Variants in PHF21A observed in about 807,000 individuals in gnomAD.
PHF21A encodes BHC80a.
Under a neutral mutation model 82.5 loss-of-function variants are expected in PHF21A, and 11 were observed. The ratio of observed to expected loss-of-function variants is 0.13; its 90% CI spans 0.08 to 0.22. PHF21A has a LOEUF of 0.22. Among genes scored for constraint, PHF21A ranks in the 10% least tolerant of loss-of-function variants. The probability of loss-of-function intolerance (pLI) is 1.00; values close to 1 mark genes in which losing one functional copy is unlikely to be tolerated. For synonymous variants in PHF21A, 297 were observed against 302.8 expected (o/e 0.98, Z 0.20); for missense variants, 579 against 837.8 (o/e 0.69, Z 3.81).
intron 6 of PHF21A, among the ~76,000 whole-genome samples, chr11:46,008,172 T>C (rs1321621697): frequency 2.0e-5 from 3 of 152,256 alleles, no homozygotes; most frequent in Non-Finnish European, 2.9e-5. Context: ...TGTATTTGTT[T>C]ACTCACATAC....
At chr11:45,997,696 A>ATCTACCTGTTCAGGATCTGT (rs1243286769) in intron 6 of PHF21A, among the ~76,000 whole-genome samples, 6 of 152,192 alleles carry the variant, frequency 3.9e-5, no homozygotes, top group Admixed American at 2.0e-4. Flanking sequence ...ACAAAAGCCA[A>ATCTACCTGTTCAGGATCTGT]TCTACCTGTT....
intron 1 of PHF21A, among the ~76,000 whole-genome samples, chr11:46,119,492 T>C (rs1414426008): frequency 1.3e-5 from 2 of 152,180 alleles, no homozygotes; most frequent in Admixed American, 6.5e-5. Context: ...CGGAATATGA[T>C]GACACCAGAT....
intron 6 of PHF21A, among the ~76,000 whole-genome samples, chr11:46,016,373 A>T (rs1404944303): frequency 6.6e-6 from 1 of 152,146 alleles, no homozygotes; most frequent in Admixed American, 6.6e-5. Context: ...TTCGCCTCCC[A>T]TTATATCCAT....
intron 16 of PHF21A, 27 bp downstream of exon 16, chr11:45,938,130 C>T: frequency 6.5e-7 from 1 of 1,536,536 alleles, no homozygotes; most frequent in South Asian, 1.3e-5. Context: ...TCCTCGGCCC[C>T]TCCCCTGTTG....
At chr11:46,070,316 T>C (rs2096641359) in intron 6 of PHF21A, among the ~76,000 whole-genome samples, 3 of 152,144 alleles carry the variant, frequency 2.0e-5, no homozygotes, top group Non-Finnish European at 4.4e-5. Context: ...TGAAAAGATC[T>C]GTAAGAAATG....
intron 1 of PHF21A, among the ~76,000 whole-genome samples, chr11:46,102,942 T>C (rs946987219): frequency 5.3e-5 from 8 of 151,886 alleles, no homozygotes; most frequent in South Asian, 2.1e-4. Context: ...AAGGGAAGGA[T>C]GAATAACAGG....
At chr11:46,070,479 C>T (rs1592785004) in intron 6 of PHF21A, among the ~76,000 whole-genome samples, 1 of 151,924 alleles carries the variant, frequency 6.6e-6, no homozygotes, top group African/African-American at 2.4e-5. Flanking sequence ...TACAGGTGCC[C>T]GCCACCACAC....
intron 16 of PHF21A, 75 bp downstream of exon 16, chr11:45,938,082 C>CG: frequency 7.7e-7 from 1 of 1,305,132 alleles, no homozygotes; most frequent in Non-Finnish European, 1.1e-6. Flanking sequence ...GCCATTTCCC[C>CG]GGGAAAGGAA....
In PHF21A at chr11:45,935,704, T is replaced by C; in HGVS notation, c.1720A>G (p.Ser574Gly). 2.2e-6 allele frequency: 3 copies of C among 1,347,422 alleles called. No individual in the cohort carries two copies. The highest frequency in any genetic ancestry group is 3.1e-6 in the Non-Finnish European group (3 of 957,986). 83.5% of individuals were successfully genotyped at this position (1,347,422 alleles called of 1,614,324 possible). A position where few individuals can be genotyped will look rare whatever the true frequency, so the allele number is the denominator to read the frequency against. Residue 574 changes from serine (S) to glycine (G), a missense_variant, in exon 18 of 19, where the codon AGT becomes GGT. This residue lies in a region of PHF21A where 157 missense variants were observed against 149.4 expected (regional missense o/e 1.05). Coordinates refer to ENST00000676320, the MANE Select transcript of PHF21A (RefSeq NM_001352027.3). ...TCTCGTTCTTGTTTTAAATCTGAAC[T>C]CCATTTAAGTAACTTCTGTTTCTCT... ...EEEKQKLLKW[S>G]SDLKQEREQL...
chr11:45,934,073 G>A lies in PHF21A; in HGVS notation c.1941C>T (p.Gly647=), dbSNP rs2088146520. ...CATTGGCAGGGGGGGTGCAGTCCGG[G>A]CCATTGGAGATGGCCCCCACAGTGG... ...SEATVGAISN[G]PDCTPPANAA... is the part of the protein sequence containing the mutation. The change falls in exon 19 of 19, where the codon GGC becomes GGT. Residue 647 remains glycine (G), a synonymous_variant. Transcript: ENST00000676320. The A allele has an allele frequency of 1.2e-5, 20 of 1,613,976 alleles. No homozygotes were observed. The highest frequency in any genetic ancestry group is 2.7e-5 in the African/African-American group (2 of 74,914).
intron 10 of PHF21A, among the ~76,000 whole-genome samples, chr11:45,956,788 C>T (rs1042345616): frequency 6.6e-6 from 1 of 151,968 alleles, no homozygotes; most frequent in Non-Finnish European, 1.5e-5. Flanking sequence ...ATACAGAAAA[C>T]AAATAGCAAA....
chr11:46,011,151 T>G (rs1397041137), intron 6 of PHF21A, among the ~76,000 whole-genome samples: 1 of 152,120 alleles, frequency 6.6e-6, no homozygotes, highest in South Asian at 2.1e-4. Context: ...CCGTTTTAAT[T>G]TGTAACTTCA....
intron 6 of PHF21A, among the ~76,000 whole-genome samples, chr11:46,003,341 C>T (rs570360276): frequency 3.3e-5 from 5 of 151,680 alleles, no homozygotes; most frequent in Middle Eastern, 3.5e-3. Context: ...CTAGTCATCA[C>T]TCAGACTCTC....
rs1269202842 is a variant in PHF21A, at chr11:45,934,137, A to T, written c.1877T>A (p.Ile626Asn). ...LEKVKQLIRL[I>N]HGIDLSKPVD... ...AGGTTTGGAGAGGTCGATGCCGTGGATGAGGCGAATCAGCTGTTTTACCTT... is the reference window on the plus strand; with the variant it reads ...AGGTTTGGAGAGGTCGATGCCGTGGTTGAGGCGAATCAGCTGTTTTACCTT... The change falls in exon 19 of 19, where the codon ATC (isoleucine) becomes AAC (asparagine). Residue 626 changes from isoleucine to asparagine, a missense_variant. Ile to Asn is a moderately radical substitution (Grantham distance 149). Around this residue, in one of 3 missense-constraint regions of PHF21A, gnomAD observed 157 missense variants for 149.4 expected, o/e 1.05. Transcript: ENST00000676320. 1 of 1,614,132 alleles carries T rather than the reference A, an allele frequency of 6.2e-7. No homozygotes were observed. The highest frequency in any genetic ancestry group is 1.7e-5 in the Admixed American group (1 of 60,020).
rs12575517 is a variant in PHF21A at position 46,021,405 on chromosome 11, T to G, written c.154-41439A>C. On this transcript the variant is annotated intron_variant, in intron 6 of 18. Transcript: ENST00000676320. ...ATAACCTCACCACATTTTAAACTAT[T>G]AACAAGTATACACCATACCTCCATC... 4.8e-3 allele frequency among the ~76,000 whole-genome samples: 727 copies of G among 152,162 alleles called. 53 individuals carry two copies. The East Asian group carries it at 0.12, about 26-fold the overall frequency.
intron 10 of PHF21A, among the ~76,000 whole-genome samples, chr11:45,960,924 T>C (rs2093035025): frequency 6.6e-6 from 1 of 152,238 alleles, no homozygotes; most frequent in Non-Finnish European, 1.5e-5. Flanking sequence ...CTCCATGTGA[T>C]AAAAGTTTGT....
chr11:46,056,508 TAA>T (rs2096459697), intron 6 of PHF21A, among the ~76,000 whole-genome samples: 1 of 152,068 alleles, frequency 6.6e-6, no homozygotes, highest in African/African-American at 2.4e-5. Context: ...ATTGGGCTTT[TAA>T]AAAATAGGTC....
chr11:45,949,498 G>C lies in PHF21A; in HGVS notation c.1148-17C>G. ...TTTGGATTTCTTGAGAGAAGAAAAG[G>C]TTTTCATTAGCAGAGAGGCATGGAG... is the stretch of plus-strand genomic sequence containing the variant. On this transcript the variant is annotated splice_polypyrimidine_tract_variant and intron_variant, in intron 12 of 18. Coordinates refer to ENST00000676320, the MANE Select transcript of PHF21A (RefSeq NM_001352027.3). 1 of 1,607,382 alleles carries C rather than the reference G, an allele frequency of 6.2e-7. No individual in the cohort carries two copies. The highest frequency in any genetic ancestry group is 1.1e-5 in the South Asian group (1 of 90,940).
chr11:46,114,014 A>C (rs1045578157), intron 1 of PHF21A, among the ~76,000 whole-genome samples: 3 of 151,976 alleles, frequency 2.0e-5, no homozygotes, highest in Non-Finnish European at 4.4e-5. Context: ...AACAAACAAA[A>C]AACACTGAAG....
Sources: allele counts gnomAD v4.1 joint callset (sites outside exome capture counted in the v4.1 genomes callset), GRCh38; gene constraint gnomAD v4.1.1; regional missense constraint gnomAD v4.1.1; transcripts MANE v1.5; gene names NCBI Gene and HGNC (gene_info 2026-07-23, HGNC 2026-07-21).